RGS7: variants seen among roughly 807,000 people sequenced by gnomAD.
RGS7 encodes regulator of G-protein signaling 7.
A neutral mutation model predicts 81.1 loss-of-function variants in RGS7; 27 were observed. The observed-to-expected ratio is 0.33, with a 90% CI of 0.25 to 0.46. RGS7 has a LOEUF of 0.46. RGS7 is among the 20% of genes least tolerant of loss of function. The pLI is 1.00. For missense variants in RGS7, 396 were observed against 607.4 expected (o/e 0.65, Z 3.66); for synonymous variants, 208 against 207.7 (o/e 1.00, Z -0.01).
intron 18 of RGS7, among the ~76,000 whole-genome samples, chr1:240,796,866 G>A (rs1248114406): frequency 2.0e-5 from 3 of 152,110 alleles, no homozygotes; most frequent in Non-Finnish European, 4.4e-5. Flanking sequence ...CAGAGAGAAC[G>A]GGATAGCCAA....
intron 11 of RGS7, 131 bp downstream of exon 11, chr1:240,816,186 G>T: frequency 1.4e-6 from 1 of 716,988 alleles, no homozygotes. Context: ...TCTTTTAACT[G>T]CAAATCTTCC....
At chr1:241,339,257 A>ATGGAAAG (rs2082404017) in intron 2 of RGS7, among the ~76,000 whole-genome samples, 1 of 152,190 alleles carries the variant, frequency 6.6e-6, no homozygotes, top group South Asian at 2.1e-4. Context: ...CATGGTGTAT[A>ATGGAAAG]CACACCACAC....
At chr1:241,306,062 G>GA (rs1417565615) in intron 2 of RGS7, among the ~76,000 whole-genome samples, 4 of 151,992 alleles carry the variant, frequency 2.6e-5, no homozygotes, top group Non-Finnish European at 5.9e-5. Flanking sequence ...AACGAGAAGA[G>GA]AGGTTAATGG....
At chr1:241,265,786 C>A (rs1378995214) in intron 2 of RGS7, among the ~76,000 whole-genome samples, 1 of 90,232 alleles carries the variant, frequency 1.1e-5, no homozygotes, top group Non-Finnish European at 2.0e-5. Flanking sequence ...TTTCCTCGTC[C>A]TTTTTTTTTT....
In RGS7 at chr1:241,047,588, T is replaced by G. The variant is rs149130827; in HGVS notation, c.175+51078A>C. ...AACATAACATACTTCAACAGGGAAC[T>G]TGACTTTCAAATGTCACTATTAGTA... On this transcript the variant is annotated intron_variant, in intron 3 of 18. Transcript: ENST00000440928. Among the ~76,000 whole-genome samples, 497 of 152,286 alleles carry G rather than the reference T, an allele frequency of 3.3e-3. 3 individuals are homozygous for G. The highest frequency in any genetic ancestry group is 0.01 in the Middle Eastern group (3 of 294).
Position 241,077,149 on chromosome 1 carries a change from G to A in RGS7, c.175+21517C>T, listed in dbSNP as rs184865867. Among the ~76,000 whole-genome samples the A allele has an allele frequency of 3.2e-3, 488 of 152,200 alleles. 2 individuals carry two copies. Among genetic ancestry groups the A allele is most frequent in the Non-Finnish European group, 5.0e-3 (343 of 68,012 alleles). On this transcript the variant is annotated intron_variant, in intron 3 of 18. Coordinates refer to ENST00000440928, the MANE Select transcript of RGS7 (RefSeq NM_001364886.1). ...TCACACATAATTTTTGTAAGAAAAGGGTTCATGATAATACTTTTAAAAATA... is the reference window on the plus strand; with the variant it reads ...TCACACATAATTTTTGTAAGAAAAGAGTTCATGATAATACTTTTAAAAATA...
intron 4 of RGS7, among the ~76,000 whole-genome samples, chr1:240,962,263 T>C (rs1681581817): frequency 6.6e-6 from 1 of 152,170 alleles, no homozygotes; most frequent in African/African-American, 2.4e-5. Context: ...CCTGGAGCCC[T>C]CTATGTGGCT....
intron 18 of RGS7, among the ~76,000 whole-genome samples, chr1:240,781,145 G>A (rs941338746): frequency 6.6e-6 from 1 of 151,996 alleles, no homozygotes; most frequent in Non-Finnish European, 1.5e-5. Context: ...TTAAAAATTG[G>A]ATGATACAAG....
At chr1:241,126,181 G>A (rs953732390) in intron 2 of RGS7, among the ~76,000 whole-genome samples, 14 of 151,454 alleles carry the variant, frequency 9.2e-5, no homozygotes, top group African/African-American at 2.7e-4. Flanking sequence ...GCAGAGTTTC[G>A]CTCTTGTTGC....
At chr1:241,149,972 C>T (rs1572896545) in intron 2 of RGS7, among the ~76,000 whole-genome samples, 3 of 152,156 alleles carry the variant, frequency 2.0e-5, no homozygotes, top group East Asian at 3.9e-4. Context: ...CAGGGTTTCA[C>T]CATGTTGGCT....
intron 6 of RGS7, among the ~76,000 whole-genome samples, chr1:240,903,792 T>C (rs1170159568): frequency 6.6e-6 from 1 of 152,152 alleles, no homozygotes; most frequent in East Asian, 1.9e-4. Context: ...TTAGCAACCA[T>C]AAGAGCTGGT....
intron 2 of RGS7, among the ~76,000 whole-genome samples, chr1:241,332,980 A>T (rs959962098): frequency 2.0e-5 from 3 of 152,340 alleles, no homozygotes; most frequent in Non-Finnish European, 4.4e-5. Flanking sequence ...AATGATGAAC[A>T]GTGATGTCGG....
chr1:241,221,011 AAGG>A lies in RGS7; in HGVS notation c.79-122252_79-122250del, dbSNP rs1558203592. On this transcript the variant is annotated intron_variant, in intron 2 of 18. Coordinates refer to ENST00000440928, the MANE Select transcript of RGS7 (RefSeq NM_001364886.1). Reference sequence around the variant, plus strand: ...GAAGGAAGGAAGAGAGAGAGAAAGGAAGGAAGGAAGGAAGGAAGGAAGGAAGGA... The same window carrying A: ...GAAGGAAGGAAGAGAGAGAGAAAGGAAAGGAAGGAAGGAAGGAAGGAAGGA... Among the ~76,000 whole-genome samples, 69 of 35,524 alleles carry A rather than the reference AAGG, an allele frequency of 1.9e-3. 2 individuals are homozygous for A. Among genetic ancestry groups the A allele is most frequent in the African/African-American group, 7.8e-3 (67 of 8,568 alleles). The allele number at this position is 35,524 out of a possible 152,430, so 23.3% of individuals were successfully genotyped here.
chr1:241,232,988 AT>A (rs763540168), intron 2 of RGS7, among the ~76,000 whole-genome samples: 2 of 152,178 alleles, frequency 1.3e-5, no homozygotes, highest in South Asian at 2.1e-4. Flanking sequence ...TATAAAAAAA[AT>A]CTTATAATCT....
chr1:240,925,447 G>C (rs181163812), intron 6 of RGS7, among the ~76,000 whole-genome samples: 7 of 152,240 alleles, frequency 4.6e-5, no homozygotes, highest in Non-Finnish European at 1.0e-4. Flanking sequence ...TTGCTGCAAA[G>C]GACATACTTT....
At chr1:240,891,373 T>C (rs961835238) in intron 6 of RGS7, among the ~76,000 whole-genome samples, 11 of 152,222 alleles carry the variant, frequency 7.2e-5, no homozygotes, top group Non-Finnish European at 1.0e-4. Flanking sequence ...AATGAACATA[T>C]AATTTTAGAA....
At chr1:241,340,036 G>A (rs1001903501) in intron 2 of RGS7, among the ~76,000 whole-genome samples, 7 of 152,204 alleles carry the variant, frequency 4.6e-5, no homozygotes, top group African/African-American at 1.7e-4. Flanking sequence ...CATCACATGT[G>A]TTTTAAGGAT....
intron 2 of RGS7, among the ~76,000 whole-genome samples, chr1:241,353,903 C>CTTATTT (rs1376979311): frequency 2.6e-5 from 4 of 152,098 alleles, no homozygotes; most frequent in African/African-American, 9.7e-5. Context: ...TCTGAAAGCC[C>CTTATTT]TGTCTTCTTA....
At chr1:241,283,286 T>C (rs1317919021) in intron 2 of RGS7, among the ~76,000 whole-genome samples, 1 of 152,176 alleles carries the variant, frequency 6.6e-6, no homozygotes, top group Non-Finnish European at 1.5e-5. Context: ...ATCACTTCCT[T>C]TCTGTTTAGA....
Sources: allele counts gnomAD v4.1 joint callset (sites outside exome capture counted in the v4.1 genomes callset), GRCh38; gene constraint gnomAD v4.1.1; transcripts MANE v1.5; gene names NCBI Gene and HGNC (gene_info 2026-07-23, HGNC 2026-07-21).